TMEM232: variants seen among roughly 807,000 people sequenced by gnomAD.
TMEM232 encodes the protein transmembrane protein 232.
Under a neutral mutation model 78.8 loss-of-function variants are expected in TMEM232, and 80 were observed. The observed-to-expected ratio is 1.01, with a 90% CI of 0.85 to 1.22. The LOEUF is 1.22. TMEM232 is among the 50% of genes most tolerant of loss of function. The probability of loss-of-function intolerance (pLI) is 0.00; values close to 1 mark genes in which losing one functional copy is unlikely to be tolerated. For synonymous variants in TMEM232, 297 were observed against 254.3 expected, an observed-to-expected ratio of 1.17 and a Z score of -1.60; for missense variants, 881 against 742.2, an observed-to-expected ratio of 1.19 and a Z score of -2.17.
At chr5:110,647,151 C>G (rs868735264) in intron 2 of TMEM232, among the ~76,000 whole-genome samples, 1 of 151,850 alleles carries the variant, frequency 6.6e-6, no homozygotes, top group Admixed American at 6.6e-5. Flanking sequence ...TACAAAAAAA[C>G]TTGAAACTTT....
chr5:110,557,517 A>G lies in TMEM232; in HGVS notation c.1455+10930T>C, dbSNP rs144930470. On this transcript the variant is annotated intron_variant, in intron 11 of 13. Transcript: ENST00000455884. ...ATAATTTATAAGGAAAAGAGGTTCA[A>G]TGGGCTCATGGTTAAGCAGCCTATA... 1.3e-3 allele frequency among the ~76,000 whole-genome samples: 203 copies of G among 152,312 alleles called. 3 individuals are homozygous for G. Among genetic ancestry groups the G allele is most frequent in the African/African-American group, 4.4e-3 (183 of 41,584 alleles).
chr5:110,463,769 C>T lies in TMEM232; in HGVS notation c.1704-38853G>A, dbSNP rs76518978. 2.7e-3 allele frequency among the ~76,000 whole-genome samples: 418 copies of T among 152,272 alleles called. 2 individuals carry two copies. The highest frequency in any genetic ancestry group is 9.8e-3 in the African/African-American group (408 of 41,556). ...AGTTCTACCTTCAAAACAGTCTTCTCTAATTTCACTTCTCCTGCCCTACTC... is the reference window on the plus strand; with the variant it reads ...AGTTCTACCTTCAAAACAGTCTTCTTTAATTTCACTTCTCCTGCCCTACTC... On this transcript the variant is annotated intron_variant, in intron 12 of 13. Coordinates refer to ENST00000455884, the MANE Select transcript of TMEM232 (RefSeq NM_001039763.4).
intron 1 of TMEM232, among the ~76,000 whole-genome samples, chr5:110,715,957 A>G (rs940710115): frequency 8.5e-5 from 13 of 152,126 alleles, no homozygotes; most frequent in Admixed American, 6.6e-4. Context: ...TAACTCTTTC[A>G]ACCAATTGCC....
At position 110,388,925 on chromosome 5, in the gene TMEM232, G is replaced by A. The variant is rs1051073511; in HGVS notation, n.616-872C>T. On this transcript the variant is annotated intron_variant and non_coding_transcript_variant, in intron 4 of 8. Coordinates refer to the TMEM232 transcript ENST00000507188. Reference sequence around the variant, plus strand: ...TCATGTGAGTTAGAGGATGGTGCAAGATTACTTGTGTTGGAGGAGAGAAAA... The same window carrying A: ...TCATGTGAGTTAGAGGATGGTGCAAAATTACTTGTGTTGGAGGAGAGAAAA... Among the ~76,000 whole-genome samples the A allele has an allele frequency of 4.6e-5, 7 of 152,262 alleles. 1 individual carries two copies. The highest frequency in any genetic ancestry group is 3.9e-4 in the East Asian group (2 of 5,184).
intron 2 of TMEM232, among the ~76,000 whole-genome samples, chr5:110,399,363 C>T (rs10061150): frequency 6.6e-6 from 1 of 151,914 alleles, no homozygotes; most frequent in Non-Finnish European, 1.5e-5. Context: ...TGTTAACTCT[C>T]CTCCGAAGTT....
chr5:110,640,401 T>C (rs759070831), intron 4 of TMEM232, among the ~76,000 whole-genome samples: 1 of 150,454 alleles, frequency 6.6e-6, no homozygotes, highest in Non-Finnish European at 1.5e-5. Context: ...GAAATAACGT[T>C]GTTTAATTTT....
chr5:110,646,992 T>TAAA (rs1787589274), intron 2 of TMEM232, among the ~76,000 whole-genome samples: 1 of 151,636 alleles, frequency 6.6e-6, no homozygotes, highest in Non-Finnish European at 1.5e-5. Context: ...TATCAGAATT[T>TAAA]AAAAAAATAT....
chr5:110,642,503 C>A (rs1046816801), intron 2 of TMEM232, 132 bp from the exon 3 acceptor site: 9 of 592,344 alleles, frequency 1.5e-5, no homozygotes, highest in Non-Finnish European at 2.5e-5. Flanking sequence ...CTGTTTCACA[C>A]AAAAAAAATC....
chr5:110,602,888 A>T (rs1781117795), intron 10 of TMEM232, among the ~76,000 whole-genome samples: 1 of 152,184 alleles, frequency 6.6e-6, no homozygotes, highest in Non-Finnish European at 1.5e-5. Flanking sequence ...GTTGGAACCA[A>T]CCCAAATGCC....
chr5:110,499,355 G>A lies in TMEM232; in HGVS notation c.1703+29233C>T, dbSNP rs113973508. On this transcript the variant is annotated intron_variant, in intron 12 of 13. Transcript: ENST00000455884. Reference sequence around the variant, plus strand: ...ACACCCCGGCTGAGTGCAGAGGCCTGATCCTCACACCTGAACCTCACGAGT... The same window carrying A: ...ACACCCCGGCTGAGTGCAGAGGCCTAATCCTCACACCTGAACCTCACGAGT... Among the ~76,000 whole-genome samples, 559 of 152,212 alleles carry A rather than the reference G, an allele frequency of 3.7e-3. 2 individuals are homozygous for A. The highest frequency in any genetic ancestry group is 0.013 in the African/African-American group (544 of 41,542).
chr5:110,524,122 G>T (rs183048625), intron 12 of TMEM232, among the ~76,000 whole-genome samples: 255 of 151,388 alleles, frequency 1.7e-3, no homozygotes, highest in African/African-American at 5.9e-3. Flanking sequence ...AATTAGCCAG[G>T]CATGGTGGTG....
At chr5:110,645,041 G>A (rs1189092409) in intron 2 of TMEM232, among the ~76,000 whole-genome samples, 2 of 151,200 alleles carry the variant, frequency 1.3e-5, no homozygotes, top group African/African-American at 4.8e-5. Flanking sequence ...AGATGAAATA[G>A]AAAGCCTAAA....
chr5:110,617,384 A>T (rs867103137), intron 8 of TMEM232, among the ~76,000 whole-genome samples: 5 of 151,790 alleles, frequency 3.3e-5, no homozygotes, highest in African/African-American at 7.3e-5. Flanking sequence ...TGGTAAAAAA[A>T]ATATATTTTG....
intron 2 of TMEM232, chr5:110,666,983 A>G (rs893953784): frequency 3.2e-6 from 1 of 307,978 alleles, no homozygotes; most frequent in African/African-American, 2.2e-5. Flanking sequence ...TTCTCATGCA[A>G]TCTATGCATT....
chr5:110,574,635 G>GC (rs886284663), intron 10 of TMEM232, among the ~76,000 whole-genome samples: 3 of 152,066 alleles, frequency 2.0e-5, no homozygotes, highest in South Asian at 2.1e-4. Flanking sequence ...ATGTGACCAA[G>GC]CCCCCCCAAA....
At chr5:110,501,644 C>T (rs1242231378) in intron 12 of TMEM232, among the ~76,000 whole-genome samples, 1 of 152,136 alleles carries the variant, frequency 6.6e-6, no homozygotes, top group Non-Finnish European at 1.5e-5. Context: ...AATAACCCCA[C>T]ATTAACTGGC....
intron 12 of TMEM232, among the ~76,000 whole-genome samples, chr5:110,487,333 C>A (rs568581646): frequency 6.6e-6 from 1 of 152,166 alleles, no homozygotes; most frequent in East Asian, 1.9e-4. Flanking sequence ...CTGGCTAGGA[C>A]TTCCAGTAAT....
At chr5:110,575,210 T>C (rs753595994) in intron 10 of TMEM232, among the ~76,000 whole-genome samples, 2 of 152,044 alleles carry the variant, frequency 1.3e-5, no homozygotes, top group Non-Finnish European at 2.9e-5. Context: ...ATTAGTGAAA[T>C]TGTTATTTTG....
chr5:110,617,412 A>C (rs1314561147), intron 8 of TMEM232, among the ~76,000 whole-genome samples: 1 of 152,128 alleles, frequency 6.6e-6, no homozygotes, highest in Non-Finnish European at 1.5e-5. Flanking sequence ...TAATAGAGTA[A>C]ATTTTAATTG....
Sources: gnomAD v4.1 joint callset for allele counts (sites outside exome capture counted in the v4.1 genomes callset) on GRCh38, gnomAD v4.1.1 for gene constraint, MANE v1.5 for transcripts, NCBI Gene and HGNC (gene_info 2026-07-23, HGNC 2026-07-21) for gene names.